Variants in CTNND2 observed in about 807,000 individuals in gnomAD.
The protein encoded by CTNND2 is catenin delta-2.
CTNND2 carries 22 observed loss-of-function variants against 144.4 expected under a neutral mutation model. The observed-to-expected ratio is 0.15, with a 90% CI of 0.11 to 0.22. The LOEUF (loss-of-function observed/expected upper bound fraction) is 0.22, where lower values mean the gene tolerates loss of function less well. Among genes scored for constraint, CTNND2 ranks in the 10% least tolerant of loss-of-function variants. The probability of loss-of-function intolerance (pLI) is 1.00; values close to 1 mark genes in which losing one functional copy is unlikely to be tolerated. For synonymous variants in CTNND2, 751 were observed against 695.6 expected (o/e 1.08, Z -1.25); for missense variants, 1,353 against 1,618.8 (o/e 0.84, Z 2.82).
intron 1 of CTNND2, among the ~76,000 whole-genome samples, chr5:11,879,072 C>T (rs994725817): frequency 6.6e-6 from 1 of 151,836 alleles, no homozygotes; most frequent in Non-Finnish European, 1.5e-5. Context: ...CAGTACCCCA[C>T]GGAAGAGAAA....
chr5:11,492,503 A>ATG (rs1388488222), intron 3 of CTNND2, among the ~76,000 whole-genome samples: 36 of 122,656 alleles, frequency 2.9e-4, no homozygotes, highest in African/African-American at 4.4e-4. Flanking sequence ...ATATATATAT[A>ATG]TATGTGTGTG....
At chr5:11,329,593 T>C (rs562809230) in intron 9 of CTNND2, among the ~76,000 whole-genome samples, 1 of 152,232 alleles carries the variant, frequency 6.6e-6, no homozygotes, top group African/African-American at 2.4e-5. Flanking sequence ...GAATTCAGAG[T>C]GCTACAGTTA....
At chr5:11,518,147 T>A (rs1404209152) in intron 3 of CTNND2, among the ~76,000 whole-genome samples, 1 of 152,220 alleles carries the variant, frequency 6.6e-6, no homozygotes, top group Non-Finnish European at 1.5e-5. Flanking sequence ...AGAATTGTAA[T>A]GAAGCTGAAA....
At chr5:11,680,705 G>C (rs1208607214) in intron 2 of CTNND2, among the ~76,000 whole-genome samples, 1 of 152,138 alleles carries the variant, frequency 6.6e-6, no homozygotes, top group Admixed American at 6.5e-5. Context: ...AAAGAACCCA[G>C]GAAGTCAGGG....
chr5:11,063,173 A>G (rs577923135), intron 16 of CTNND2, among the ~76,000 whole-genome samples: 1 of 152,334 alleles, frequency 6.6e-6, no homozygotes, highest in Non-Finnish European at 1.5e-5. Flanking sequence ...TTTACCTTAT[A>G]TATATGAGTA....
intron 18 of CTNND2, among the ~76,000 whole-genome samples, chr5:11,004,164 T>C (rs568480390): frequency 1.5e-4 from 23 of 152,238 alleles, no homozygotes; most frequent in African/African-American, 5.1e-4. Flanking sequence ...ACCTGGGAAA[T>C]TGAAATAAGA....
intron 3 of CTNND2, among the ~76,000 whole-genome samples, chr5:11,421,184 GACA>G (rs1401232757): frequency 2.0e-5 from 3 of 152,250 alleles, no homozygotes; most frequent in East Asian, 1.9e-4. Flanking sequence ...CAATCACCAT[GACA>G]ACAACTGGAG....
At position 11,733,858 on chromosome 5, in the gene CTNND2, CACAA is replaced by C. The variant is rs1787531589; in HGVS notation, c.38-1590_38-1587del. On this transcript the variant is annotated intron_variant, in intron 1 of 21. Transcript: ENST00000304623. ...CTCAGAATTGTTCCCATCTTTCCCGCACAAACAAATGAGATTGCTGTGGTCTGAA... is the reference window on the plus strand; with the variant it reads ...CTCAGAATTGTTCCCATCTTTCCCGCACAAATGAGATTGCTGTGGTCTGAA... Among the ~76,000 whole-genome samples, 3 of 152,180 alleles carry C rather than the reference CACAA, an allele frequency of 2.0e-5. No homozygotes were observed. The South Asian group carries it at 6.2e-4, about 32-fold the overall frequency.
intron 10 of CTNND2, among the ~76,000 whole-genome samples, chr5:11,212,690 C>T (rs1363144869): frequency 1.3e-5 from 2 of 152,226 alleles, no homozygotes; most frequent in African/African-American, 2.4e-5. Context: ...GGTCAACAGG[C>T]CCTGATTCCT....
intron 2 of CTNND2, among the ~76,000 whole-genome samples, chr5:11,718,085 T>C (rs2126710120): frequency 6.6e-6 from 1 of 152,322 alleles, no homozygotes; most frequent in East Asian, 1.9e-4. Flanking sequence ...AATTTATTAC[T>C]ATTGTTACTC....
intron 14 of CTNND2, among the ~76,000 whole-genome samples, chr5:11,107,382 G>A (rs1752527405): frequency 6.6e-6 from 1 of 152,188 alleles, no homozygotes; most frequent in African/African-American, 2.4e-5. Flanking sequence ...TTTGGGATAT[G>A]CATGCTGTTT....
At chr5:11,631,372 T>C (rs562234332) in intron 2 of CTNND2, among the ~76,000 whole-genome samples, 37 of 152,336 alleles carry the variant, frequency 2.4e-4, no homozygotes, top group Middle Eastern at 3.4e-3. Flanking sequence ...GTGAAGACTA[T>C]ACACACACTT....
intron 3 of CTNND2, among the ~76,000 whole-genome samples, chr5:11,522,728 T>C (rs991964427): frequency 1.7e-4 from 26 of 152,310 alleles, no homozygotes; most frequent in East Asian, 5.8e-4. Context: ...GACAGGACCA[T>C]AGCAGGTATC....
intron 1 of CTNND2, among the ~76,000 whole-genome samples, chr5:11,847,823 T>C (rs751083975): frequency 2.6e-5 from 4 of 152,022 alleles, no homozygotes; most frequent in Admixed American, 6.6e-5. Context: ...AATGTGGAAA[T>C]AGATACTGAA....
chr5:11,421,973 A>C lies in CTNND2; in HGVS notation c.288-9904T>G, dbSNP rs1762399109. Among the ~76,000 whole-genome samples, 4 of 152,196 alleles carry C rather than the reference A, an allele frequency of 2.6e-5. No individual in the cohort carries two copies. The South Asian group carries it at 8.3e-4, about 32-fold the overall frequency. ...AAGTTAAGGGTATAAAACACGAAAA[A>C]TCCATAGAACATTTCCAGGAACATA... On this transcript the variant is annotated intron_variant, in intron 3 of 21. Transcript: ENST00000304623.
intron 3 of CTNND2, among the ~76,000 whole-genome samples, chr5:11,562,401 A>G (rs975680614): frequency 6.6e-6 from 1 of 152,220 alleles, no homozygotes; most frequent in Non-Finnish European, 1.5e-5. Context: ...GCATTTCTAA[A>G]GCCAAGAAAA....
intron 15 of CTNND2, among the ~76,000 whole-genome samples, chr5:11,093,176 T>C (rs988868305): frequency 6.6e-6 from 1 of 152,230 alleles, no homozygotes; most frequent in Non-Finnish European, 1.5e-5. Flanking sequence ...GGAGGAAAAC[T>C]GAGTGTACAA....
chr5:11,885,969 T>C (rs1314266506), intron 1 of CTNND2, among the ~76,000 whole-genome samples: 1 of 151,972 alleles, frequency 6.6e-6, no homozygotes, highest in Non-Finnish European at 1.5e-5. Context: ...TAAAATTTAT[T>C]GAAACAAATA....
chr5:11,360,437 G>A (rs1406565645), intron 8 of CTNND2, among the ~76,000 whole-genome samples: 1 of 152,124 alleles, frequency 6.6e-6, no homozygotes, highest in Non-Finnish European at 1.5e-5. Flanking sequence ...CAGGGGTGAG[G>A]TCAGCATGGG....
Sources: allele counts gnomAD v4.1 joint callset (sites outside exome capture counted in the v4.1 genomes callset), GRCh38; gene constraint gnomAD v4.1.1; transcripts MANE v1.5; gene names NCBI Gene and HGNC (gene_info 2026-07-23, HGNC 2026-07-21).